The following TSC2 variants were observed in gnomAD, a reference collection of about 807,000 sequenced individuals.
TSC2 encodes the protein tuberin.
A neutral mutation model predicts 202.2 loss-of-function variants in TSC2; 29 were observed. The ratio of observed to expected loss-of-function variants is 0.14; its 90% CI spans 0.11 to 0.20. TSC2 has a LOEUF of 0.20. Ranked by LOEUF, TSC2 falls within the 10% of genes least tolerant of loss-of-function variation. The probability of loss-of-function intolerance (pLI) is 1.00; values close to 1 mark genes in which losing one functional copy is unlikely to be tolerated. For synonymous variants in TSC2, 1,349 were observed against 1,044.0 expected (o/e 1.29, Z -5.63); for missense variants, 2,429 against 2,420.0 (o/e 1.00, Z -0.08).
Position 2,087,959 on chromosome 16 carries a change from C to T in TSC2, c.5068+18C>T, listed in dbSNP as rs1036320970. On this transcript the variant is annotated intron_variant, in intron 39 of 41. Coordinates refer to ENST00000219476, the MANE Select transcript of TSC2 (RefSeq NM_000548.5). The stretch of plus-strand genomic sequence containing the variant: ...CAGGAAAGGTAGGGCCGGGTGGGGC[C>T]CTGCAGTGCAGGAAAGGTAGGGCCG... 1.1e-5 allele frequency: 17 copies of T among 1,612,246 alleles called. No homozygotes were observed. Among genetic ancestry groups the T allele is most frequent in the Non-Finnish European group, 1.4e-5 (16 of 1,179,704 alleles).
chr16:2,080,731 G>A (rs376922324), intron 30 of TSC2: 218 of 280,622 alleles, frequency 7.8e-4, no homozygotes, highest in Middle Eastern at 2.7e-3. Context: ...TGATCCGCCC[G>A]CCTTGGCCTC....
chr16:2,060,072 C>T (rs1204971222), intron 10 of TSC2, among the ~76,000 whole-genome samples: 3 of 152,168 alleles, frequency 2.0e-5, no homozygotes, highest in Non-Finnish European at 4.4e-5. Flanking sequence ...CTGTTGGCGG[C>T]TCTGTTTTGT....
chr16:2,087,049 C>T (rs2090901126), intron 38 of TSC2, 178 bp downstream of exon 38: 3 of 948,766 alleles, frequency 3.2e-6, no homozygotes, highest in South Asian at 1.6e-5. Context: ...TCCTCTGTGC[C>T]CTGAAGCCTG....
In TSC2 at chr16:2,088,883, A is replaced by C. The variant is rs74002777; in HGVS notation, c.*273A>C. ...AGCACACTCGCGCGTGCGCGCGCGC[A>C]CACACACACACACACAGTCACCTTC... On this transcript the variant is annotated 3_prime_UTR_variant, in exon 42 of 42. Coordinates refer to ENST00000219476, the MANE Select transcript of TSC2 (RefSeq NM_000548.5). 5.7e-5 allele frequency: 12 copies of C among 209,992 alleles called. No individual in the cohort carries two copies. The highest frequency in any genetic ancestry group is 4.4e-4 in the East Asian group (8 of 18,236). 13.0% of individuals were successfully genotyped at this position (209,992 alleles called of 1,614,324 possible).
intron 16 of TSC2, chr16:2,068,784 A>T (rs1268507721): frequency 6.7e-6 from 1 of 149,426 alleles, no homozygotes; most frequent in East Asian, 2.0e-4. Context: ...GAGGTAGGAG[A>T]ATCACTTGAA....
chr16:2,057,297 TC>T (rs1458528700), intron 9 of TSC2, 119 bp downstream of exon 9: 2 of 1,226,960 alleles, frequency 1.6e-6, no homozygotes, highest in African/African-American at 1.5e-5. Flanking sequence ...GGGCAGCTGT[TC>T]CAGAGGCTGC....
chr16:2,067,057 G>C (rs1005401518), intron 16 of TSC2, among the ~76,000 whole-genome samples: 2 of 152,090 alleles, frequency 1.3e-5, no homozygotes, highest in Non-Finnish European at 2.9e-5. Flanking sequence ...TTGCTCAAAA[G>C]CTCATCCTTA....
At chr16:2,056,081 C>A in intron 6 of TSC2, 115 bp from the exon 7 acceptor site, 1 of 1,393,288 alleles carries the variant, frequency 7.2e-7, no homozygotes, top group Non-Finnish European at 1.0e-6. Flanking sequence ...GGGTGGGACC[C>A]CCAGGGAGGA....
chr16:2,055,173 T>A lies in TSC2; in HGVS notation c.482-229T>A, dbSNP rs565249964. ...TGCTGCCGCCTCGGCACAGACCCTC[T>A]GTGCAGCCCCAGGGGCGGTAGATCC... On this transcript the variant is annotated intron_variant, in intron 5 of 41. Coordinates refer to ENST00000219476, the MANE Select transcript of TSC2 (RefSeq NM_000548.5). The A allele has an allele frequency of 5.5e-4, 337 of 615,490 alleles. 1 individual carries two copies. Among genetic ancestry groups the A allele is most frequent in the Non-Finnish European group, 8.6e-4 (290 of 337,986 alleles). The allele number at this position is 615,490 out of a possible 1,614,324, so 38.1% of individuals were successfully genotyped here.
intron 19 of TSC2, 94 bp downstream of exon 19, chr16:2,072,028 C>G (rs963704457): frequency 1.3e-6 from 2 of 1,486,100 alleles, no homozygotes; most frequent in African/African-American, 2.8e-5. Flanking sequence ...CCTGTCTGGC[C>G]TGTGGAGGGC....
intron 20 of TSC2, 163 bp from the exon 21 acceptor site, chr16:2,072,686 C>A: frequency 8.4e-7 from 1 of 1,187,936 alleles, no homozygotes; most frequent in Non-Finnish European, 1.2e-6. Flanking sequence ...CAGGCACTCC[C>A]ACCACTCCGA....
Position 2,088,761 on chromosome 16 carries a change from G to C in TSC2, c.*151G>C, listed in dbSNP as rs902572213. The stretch of plus-strand genomic sequence containing the variant: ...TTGTCTGCTTGGTGCGGGGGTTGGG[G>C]GGGTGTCGAGGCTCTAGAAGCGGCC... On this transcript the variant is annotated 3_prime_UTR_variant, in exon 42 of 42. Coordinates refer to ENST00000219476, the MANE Select transcript of TSC2 (RefSeq NM_000548.5). The C allele has an allele frequency of 2.7e-6, 3 of 1,112,990 alleles. No individual in the cohort carries two copies. In the South Asian group the frequency reaches 4.7e-5, roughly 17 times the overall value. The allele number at this position is 1,112,990 out of a possible 1,614,324, so 68.9% of individuals were successfully genotyped here.
At chr16:2,060,646 G>T in intron 10 of TSC2, 24 bp from the exon 11 acceptor site, 1 of 1,613,904 alleles carries the variant, frequency 6.2e-7, no homozygotes, top group South Asian at 1.1e-5. Context: ...CTGACCCTGT[G>T]TGCTGGCCGG....
intron 22 of TSC2, chr16:2,074,751 T>G: frequency 2.6e-6 from 1 of 383,448 alleles, no homozygotes. Flanking sequence ...CAGGTGCCTG[T>G]CCCTTCCCCT....
intron 30 of TSC2, chr16:2,080,702 T>C (rs931937459): frequency 3.3e-4 from 109 of 334,028 alleles, no homozygotes; most frequent in Non-Finnish European, 5.3e-4. Flanking sequence ...GCCAGGATGG[T>C]CTCAATCTCC....
At chr16:2,075,505 C>T (rs1314354048) in intron 22 of TSC2, among the ~76,000 whole-genome samples, 12 of 126,640 alleles carry the variant, frequency 9.5e-5, no homozygotes, top group African/African-American at 1.9e-4. Context: ...CCAGCCTGGG[C>T]GACAGAGCCA....
At position 2,084,220 on chromosome 16, in the gene TSC2, C is replaced by T. The variant is rs45517325; in HGVS notation, c.4006-8C>T. 3.8e-3 allele frequency: 6,017 copies of T among 1,575,890 alleles called. 15 individuals are homozygous for T. The highest frequency in any genetic ancestry group is 4.7e-3 in the Non-Finnish European group (5,465 of 1,159,748). ...GACAGGGGTTCTCTTTGGGATGGTC[C>T]TTTCTAGTCGTCCTCAGTCTCCAGC... On this transcript the variant is annotated splice_region_variant and splice_polypyrimidine_tract_variant and intron_variant, in intron 33 of 41. Transcript: ENST00000219476.
chr16:2,053,656 A>T (rs2085404324), intron 4 of TSC2: 1 of 684,016 alleles, frequency 1.5e-6, no homozygotes, highest in Admixed American at 2.0e-5. Flanking sequence ...CCTCGCCTGT[A>T]AACAGATGGT....
intron 8 of TSC2, 109 bp downstream of exon 8, chr16:2,056,878 G>A (rs982391024): frequency 3.9e-5 from 60 of 1,549,734 alleles, no homozygotes; most frequent in Non-Finnish European, 4.7e-5. Context: ...GCCAGACAAT[G>A]GCCTGTTGAG....
Sources: gnomAD v4.1 joint callset for allele counts (sites outside exome capture counted in the v4.1 genomes callset) on GRCh38, gnomAD v4.1.1 for gene constraint, MANE v1.5 for transcripts, NCBI Gene and HGNC (gene_info 2026-07-23, HGNC 2026-07-21) for gene names.